The following TMC1 variants were observed in gnomAD, a reference collection of about 807,000 sequenced individuals.
TMC1 encodes transmembrane channel like 1.
TMC1 carries 84 observed loss-of-function variants against 105.8 expected under a neutral mutation model. That is an observed-to-expected ratio of 0.79 (90% CI 0.67 to 0.95). The LOEUF (loss-of-function observed/expected upper bound fraction) is 0.95, where lower values mean the gene tolerates loss of function less well. Among genes scored for constraint, TMC1 ranks in the 40% least tolerant of loss-of-function variants. The pLI is 0.00. For missense variants in TMC1, 817 were observed against 914.1 expected, an observed-to-expected ratio of 0.89 and a Z score of 1.37; for synonymous variants, 315 against 311.5, an observed-to-expected ratio of 1.01 and a Z score of -0.12.
intron 2 of TMC1, among the ~76,000 whole-genome samples, chr9:72,601,599 C>A (rs1192294170): frequency 1.3e-5 from 2 of 152,170 alleles, no homozygotes; most frequent in Admixed American, 1.3e-4. Context: ...GAGCTGAGAT[C>A]GTGCTCCTGC....
At chr9:72,542,790 C>T (rs1260709884) in intron 1 of TMC1, among the ~76,000 whole-genome samples, 1 of 151,936 alleles carries the variant, frequency 6.6e-6, no homozygotes, top group Non-Finnish European at 1.5e-5. Context: ...AGCAATTCTT[C>T]TGCCTCAGCC....
intron 8 of TMC1, among the ~76,000 whole-genome samples, chr9:72,727,923 T>A (rs1055584019): frequency 1.3e-5 from 2 of 152,028 alleles, no homozygotes; most frequent in African/African-American, 4.8e-5. Flanking sequence ...AAAGAGACTA[T>A]CCAGAGAGAC....
At chr9:72,790,286 A>C (rs1303274093) in intron 15 of TMC1, among the ~76,000 whole-genome samples, 3 of 152,192 alleles carry the variant, frequency 2.0e-5, no homozygotes, top group African/African-American at 7.2e-5. Flanking sequence ...ACAGCAAATG[A>C]TATAATCTAC....
intron 8 of TMC1, among the ~76,000 whole-genome samples, chr9:72,721,032 A>G (rs1564513286): frequency 1.3e-5 from 2 of 152,202 alleles, no homozygotes; most frequent in Admixed American, 1.3e-4. Context: ...CCTTGTTAAA[A>G]AATACTTAAG....
chr9:72,774,354 G>A (rs1588077091), intron 13 of TMC1, among the ~76,000 whole-genome samples: 1 of 152,066 alleles, frequency 6.6e-6, no homozygotes, highest in Non-Finnish European at 1.5e-5. Flanking sequence ...TATATCAAAA[G>A]TATTATCATT....
intron 12 of TMC1, among the ~76,000 whole-genome samples, chr9:72,762,380 C>T (rs533103954): frequency 1.6e-4 from 24 of 152,266 alleles, no homozygotes; most frequent in African/African-American, 5.3e-4. Flanking sequence ...CTGAGCAGCA[C>T]GCCCAGCTGC....
intron 19 of TMC1, chr9:72,818,610 C>T (rs1828825925): frequency 6.6e-6 from 1 of 152,140 alleles, no homozygotes; most frequent in Non-Finnish European, 1.5e-5. Context: ...ATTTACCTGA[C>T]ATGTACATGT....
At chr9:72,557,554 T>C (rs1180268981) in intron 1 of TMC1, among the ~76,000 whole-genome samples, 1 of 152,188 alleles carries the variant, frequency 6.6e-6, no homozygotes, top group African/African-American at 2.4e-5. Flanking sequence ...AAAAAAATTC[T>C]TAAGAACTGA....
chr9:72,821,748 G>A (rs946853626), intron 20 of TMC1, among the ~76,000 whole-genome samples: 1 of 152,112 alleles, frequency 6.6e-6, no homozygotes, highest in African/African-American at 2.4e-5. Flanking sequence ...CCTGACTCTG[G>A]GCCGTCACAT....
chr9:72,702,685 C>T (rs1410288503), intron 8 of TMC1, among the ~76,000 whole-genome samples: 4 of 151,902 alleles, frequency 2.6e-5, no homozygotes, highest in Non-Finnish European at 4.4e-5. Context: ...GATGGTGACA[C>T]ATTGGTACCA....
chr9:72,769,064 A>G (rs1006295524), intron 12 of TMC1, among the ~76,000 whole-genome samples: 9 of 152,354 alleles, frequency 5.9e-5, no homozygotes, highest in African/African-American at 2.2e-4. Flanking sequence ...CTGGATAAAG[A>G]AAGCACAGGA....
rs1825166502 is a variant in TMC1, at chr9:72,617,984, T to TGAA, written c.-196+1510_-196+1512dup. Among the ~76,000 whole-genome samples, 3 of 146,240 alleles carry TGAA rather than the reference T, an allele frequency of 2.1e-5. No homozygotes were observed. The South Asian group carries it at 6.6e-4, about 32-fold the overall frequency. On this transcript the variant is annotated intron_variant, in intron 3 of 23. Transcript: ENST00000297784. ...TTTCTAGAGGGACAGAGGAAAAAGG[T>TGAA]GAAGACAAGGATAGGAGCGAGACTT...
intron 18 of TMC1, among the ~76,000 whole-genome samples, chr9:72,810,882 G>A (rs1224515264): frequency 6.6e-6 from 1 of 152,050 alleles, no homozygotes; most frequent in African/African-American, 2.4e-5. Flanking sequence ...AAATCATAGT[G>A]GATGTACAAA....
chr9:72,707,594 T>C (rs541454153), intron 8 of TMC1, among the ~76,000 whole-genome samples: 1 of 152,298 alleles, frequency 6.6e-6, no homozygotes, highest in South Asian at 2.1e-4. Context: ...TTAGCCCACT[T>C]TTTGATAGGA....
At position 72,702,671 on chromosome 9, in the gene TMC1, G is replaced by A. The variant is rs139581011; in HGVS notation, c.362+2028G>A. Among the ~76,000 whole-genome samples, 360 of 152,186 alleles carry A rather than the reference G, an allele frequency of 2.4e-3. 4 individuals carry two copies. Among genetic ancestry groups the A allele is most frequent in the Non-Finnish European group, 1.3e-3 (91 of 67,998 alleles). On this transcript the variant is annotated intron_variant, in intron 8 of 23. Coordinates refer to ENST00000297784, the MANE Select transcript of TMC1 (RefSeq NM_138691.3). ...GTCACAATCAGACCCCAGAAGCCTT[G>A]TGGGATGGTGACACATTGGTACCAG...
chr9:72,651,833 A>G (rs1053987003), intron 5 of TMC1, among the ~76,000 whole-genome samples: 2 of 151,914 alleles, frequency 1.3e-5, no homozygotes, highest in African/African-American at 4.8e-5. Context: ...TTTAGTGGTG[A>G]TTTCTGAGAT....
intron 18 of TMC1, among the ~76,000 whole-genome samples, chr9:72,805,868 C>T (rs1194897937): frequency 1.3e-5 from 2 of 152,210 alleles, no homozygotes; most frequent in Non-Finnish European, 2.9e-5. Context: ...GGGGCAAGGT[C>T]ACAGATCAAC....
At chr9:72,656,779 CT>C (rs1019613099) in intron 5 of TMC1, among the ~76,000 whole-genome samples, 54 of 152,168 alleles carry the variant, frequency 3.5e-4, no homozygotes, top group East Asian at 1.2e-3. Flanking sequence ...TGTTGGATTT[CT>C]TTTTTTTCCC....
intron 5 of TMC1, among the ~76,000 whole-genome samples, chr9:72,652,790 A>G (rs543800851): frequency 6.6e-6 from 1 of 152,336 alleles, no homozygotes; most frequent in East Asian, 1.9e-4. Context: ...GACTTTTTGT[A>G]AGTAGAAACT....
Sources: gnomAD v4.1 joint callset for allele counts (sites outside exome capture counted in the v4.1 genomes callset) on GRCh38, gnomAD v4.1.1 for gene constraint, MANE v1.5 for transcripts, NCBI Gene and HGNC (gene_info 2026-07-23, HGNC 2026-07-21) for gene names.